ARHGAP32: variants seen among roughly 807,000 people sequenced by gnomAD.
ARHGAP32 encodes rho GTPase-activating protein 32.
ARHGAP32 carries 51 observed loss-of-function variants against 186.5 expected under a neutral mutation model. The ratio of observed to expected loss-of-function variants is 0.27; its 90% confidence interval spans 0.22 to 0.35. ARHGAP32 has a LOEUF of 0.35. Ranked by LOEUF, ARHGAP32 falls within the 10% of genes least tolerant of loss-of-function variation. The pLI is 1.00. For missense variants in ARHGAP32, 2,186 were observed against 2,623.5 expected (o/e 0.83, Z 3.64); for synonymous variants, 950 against 964.3 (o/e 0.99, Z 0.27).
At chr11:129,041,347 C>T (rs1363106277) in intron 10 of ARHGAP32, among the ~76,000 whole-genome samples, 7 of 151,720 alleles carry the variant, frequency 4.6e-5, no homozygotes, top group African/African-American at 7.3e-5. Flanking sequence ...TTTAATAATG[C>T]GCTTTACTGA....
chr11:129,066,560 T>C (rs1940696700), intron 7 of ARHGAP32, among the ~76,000 whole-genome samples, 171 bp downstream of exon 7: 1 of 152,106 alleles, frequency 6.6e-6, no homozygotes, highest in African/African-American at 2.4e-5. Flanking sequence ...GAACCTACTT[T>C]CATTCTAAAC....
At chr11:128,971,736 TA>T (rs1466404437) in intron 22 of ARHGAP32, 1 of 152,624 alleles carries the variant, frequency 6.6e-6, no homozygotes, top group African/African-American at 2.4e-5. Flanking sequence ...TGAGAAGCAG[TA>T]AACACAGCAT....
intron 11 of ARHGAP32, among the ~76,000 whole-genome samples, chr11:129,018,117 T>C (rs1405125296): frequency 1.3e-5 from 2 of 152,222 alleles, no homozygotes; most frequent in Non-Finnish European, 2.9e-5. Context: ...TATGCTTTTA[T>C]ATTTTTAAAT....
intron 1 of ARHGAP32, among the ~76,000 whole-genome samples, chr11:129,267,770 G>C (rs2135720946): frequency 6.6e-6 from 1 of 152,330 alleles, no homozygotes; most frequent in South Asian, 2.1e-4. Flanking sequence ...GCACAATTCT[G>C]CCAGCTGGAA....
At chr11:129,043,381 C>CTTTTTTTTTTTT (rs1213682729) in intron 10 of ARHGAP32, among the ~76,000 whole-genome samples, 4 of 103,334 alleles carry the variant, frequency 3.9e-5, no homozygotes, top group Non-Finnish European at 7.5e-5. Flanking sequence ...TTCTTTTTTT[C>CTTTTTTTTTTTT]TTTTTTTTTT....
chr11:129,145,123 C>G (rs1245898249), intron 2 of ARHGAP32, among the ~76,000 whole-genome samples: 1 of 152,024 alleles, frequency 6.6e-6, no homozygotes, highest in Non-Finnish European at 1.5e-5. Context: ...AGGGTTCCAA[C>G]AATGTATATA....
chr11:129,167,615 G>T (rs1943665736), intron 1 of ARHGAP32, among the ~76,000 whole-genome samples: 1 of 152,036 alleles, frequency 6.6e-6, no homozygotes, highest in African/African-American at 2.4e-5. Context: ...TAAGTCAGAG[G>T]CAAAAGACCA....
chr11:129,139,784 CA>C lies in ARHGAP32; in HGVS notation c.226-14891del, dbSNP rs60327033. ...AGTCCATTAAACCTCTTTTTCTTCC[CA>C]GTCTCGAATATGTCTTTATCAGCAG... On this transcript the variant is annotated intron_variant, in intron 2 of 22. Transcript: ENST00000682385. Among the ~76,000 whole-genome samples the C allele has an allele frequency of 7.7e-3, 1,180 of 152,284 alleles. 13 individuals carry two copies. The highest frequency in any genetic ancestry group is 0.011 in the Non-Finnish European group (736 of 68,008).
intron 1 of ARHGAP32, among the ~76,000 whole-genome samples, chr11:129,201,448 A>T (rs1944453576): frequency 6.6e-6 from 1 of 152,168 alleles, no homozygotes; most frequent in South Asian, 2.1e-4. Context: ...ATAACGGTAT[A>T]CCTAACTAGA....
chr11:129,178,854 A>C (rs1383326734), intron 1 of ARHGAP32, among the ~76,000 whole-genome samples: 1 of 151,812 alleles, frequency 6.6e-6, no homozygotes, highest in Non-Finnish European at 1.5e-5. Context: ...AAGAAAACCT[A>C]GGCATTACCA....
chr11:129,179,562 A>G (rs1944002660), intron 1 of ARHGAP32, among the ~76,000 whole-genome samples: 3 of 151,566 alleles, frequency 2.0e-5, no homozygotes, highest in Admixed American at 2.0e-4. Context: ...CAACAATGAT[A>G]GACTGGATTA....
chr11:129,117,524 G>A (rs1457743254), intron 5 of ARHGAP32, among the ~76,000 whole-genome samples: 1 of 151,932 alleles, frequency 6.6e-6, no homozygotes, highest in African/African-American at 2.4e-5. Context: ...AGAAATGCAT[G>A]TAATGATAGA....
intron 2 of ARHGAP32, among the ~76,000 whole-genome samples, chr11:129,134,202 C>T (rs1942886302): frequency 6.6e-6 from 1 of 151,200 alleles, no homozygotes; most frequent in East Asian, 1.9e-4. Flanking sequence ...AATTCCAAAC[C>T]CTGTTCATTA....
intron 11 of ARHGAP32, among the ~76,000 whole-genome samples, chr11:129,002,270 T>C (rs1946379986): frequency 6.6e-6 from 1 of 152,210 alleles, no homozygotes; most frequent in Non-Finnish European, 1.5e-5. Context: ...CTTCCATTTC[T>C]TGCATCAGTG....
chr11:128,990,967 T>C (rs1039593099), intron 12 of ARHGAP32, among the ~76,000 whole-genome samples: 1 of 152,176 alleles, frequency 6.6e-6, no homozygotes, highest in Non-Finnish European at 1.5e-5. Flanking sequence ...CACAAAAGGT[T>C]TGTCTTCAAG....
At chr11:129,244,903 C>T (rs1370180372) in intron 1 of ARHGAP32, among the ~76,000 whole-genome samples, 2 of 150,708 alleles carry the variant, frequency 1.3e-5, no homozygotes, top group Non-Finnish European at 3.0e-5. Context: ...AGTGAGATAC[C>T]ATCTCACACC....
intron 2 of ARHGAP32, among the ~76,000 whole-genome samples, chr11:129,154,461 C>A (rs935219712): frequency 6.6e-5 from 10 of 151,962 alleles, no homozygotes; most frequent in Non-Finnish European, 2.9e-5. Flanking sequence ...TTTGCAACAG[C>A]AAAAATATGG....
Position 129,255,658 on chromosome 11 carries a change from AAG to A in ARHGAP32, c.-5+23486_-5+23487del, listed in dbSNP as rs563256804. Among the ~76,000 whole-genome samples the A allele has an allele frequency of 2.6e-5, 4 of 152,166 alleles. 1 individual carries two copies. In the South Asian group the frequency reaches 8.3e-4, roughly 32 times the overall value. Reference sequence around the variant, plus strand: ...AAAAACTAGTAGTCAGAATATAAAAAAGACTCTCACAAACAAGACAAATGACC... The same window carrying A: ...AAAAACTAGTAGTCAGAATATAAAAAACTCTCACAAACAAGACAAATGACC... On this transcript the variant is annotated intron_variant, in intron 1 of 6. Transcript: ENST00000525234.
At position 129,070,902 on chromosome 11, in the gene ARHGAP32, A is replaced by G. The variant is rs370722861; in HGVS notation, c.532-4034T>C. Among the ~76,000 whole-genome samples, 6 of 152,158 alleles carry G rather than the reference A, an allele frequency of 3.9e-5. No homozygotes were observed. In the East Asian group the frequency reaches 9.6e-4, roughly 24 times the overall value. On this transcript the variant is annotated intron_variant, in intron 6 of 22. Coordinates refer to ENST00000682385, the MANE Select transcript of ARHGAP32 (RefSeq NM_001378024.1). ...ACTTAATGAAGCTAAACACAATTTC[A>G]TATTTCTCAGTCACTTTTATTTCTT...
Sources: gnomAD v4.1 joint callset for allele counts (sites outside exome capture counted in the v4.1 genomes callset) on GRCh38, gnomAD v4.1.1 for gene constraint, MANE v1.5 for transcripts, NCBI Gene and HGNC (gene_info 2026-07-23, HGNC 2026-07-21) for gene names.